LRSAM1: variants seen among roughly 807,000 people sequenced by gnomAD.
LRSAM1 encodes E3 ubiquitin-protein ligase LRSAM1.
LRSAM1 carries 96 observed loss-of-function variants against 118.1 expected under a neutral mutation model. That is an observed-to-expected ratio of 0.81 (90% CI 0.69 to 0.96). The LOEUF is 0.96. Among genes scored for constraint, LRSAM1 ranks in the 40% least tolerant of loss-of-function variants. LRSAM1 has a pLI of 0.00. For synonymous variants in LRSAM1, 322 were observed against 364.2 expected, an observed-to-expected ratio of 0.88 and a Z score of 1.32; for missense variants, 804 against 915.5, an observed-to-expected ratio of 0.88 and a Z score of 1.57.
chr9:127,454,788 C>T (rs528797347), intron 3 of LRSAM1, among the ~76,000 whole-genome samples, 189 bp downstream of exon 3: 5 of 152,286 alleles, frequency 3.3e-5, no homozygotes, highest in Admixed American at 6.5e-5. Flanking sequence ...GTAGACTGAG[C>T]GCACTGTCAT....
rs368056307 is a variant in LRSAM1 at position 127,461,473 on chromosome 9, C to T, written c.406+216C>T. ...TTCCTGTGGCTCCTGAGAGCCAGGG[C>T]CGTATGGCCGTATGGGGAGGAGGGC... On this transcript the variant is annotated intron_variant, in intron 8 of 25. Coordinates refer to ENST00000300417, the MANE Select transcript of LRSAM1 (RefSeq NM_001005373.4). 2.1e-4 allele frequency among the ~76,000 whole-genome samples: 32 copies of T among 152,318 alleles called. No homozygotes were observed. In the East Asian group the frequency reaches 4.1e-3, roughly 19 times the overall value.
At chr9:127,489,592 C>A in intron 19 of LRSAM1, 74 bp downstream of exon 19, 2 of 1,509,542 alleles carry the variant, frequency 1.3e-6, no homozygotes, top group South Asian at 2.4e-5. Flanking sequence ...GGCGGCAGGT[C>A]GCAGCAGTTG....
chr9:127,464,769 A>G (rs1834871092), intron 9 of LRSAM1, among the ~76,000 whole-genome samples: 1 of 151,736 alleles, frequency 6.6e-6, no homozygotes, highest in Non-Finnish European at 1.5e-5. Context: ...CAGCCTCCCA[A>G]GAGACTGGGA....
At chr9:127,460,757 C>T (rs940102941) in intron 7 of LRSAM1, among the ~76,000 whole-genome samples, 1 of 151,464 alleles carries the variant, frequency 6.6e-6, no homozygotes, top group Non-Finnish European at 1.5e-5. Flanking sequence ...TGTGTAGTGC[C>T]TGGGTGCCCT....
intron 11 of LRSAM1, among the ~76,000 whole-genome samples, chr9:127,474,204 A>G (rs1835275770): frequency 6.6e-6 from 1 of 151,416 alleles, no homozygotes; most frequent in Non-Finnish European, 1.5e-5. Context: ...AGGGCCTTTG[A>G]ACAAGCAGCT....
chr9:127,485,713 G>C, intron 16 of LRSAM1, 23 bp from the exon 17 acceptor site: 1 of 1,613,226 alleles, frequency 6.2e-7, no homozygotes, highest in Non-Finnish European at 8.5e-7. Context: ...CCACTCAGCT[G>C]TCCCCACCTC....
At chr9:127,473,987 TG>T in intron 11 of LRSAM1, 56 bp downstream of exon 11, 1 of 1,612,430 alleles carries the variant, frequency 6.2e-7, no homozygotes, top group Non-Finnish European at 8.5e-7. Context: ...TGTGCATGTA[TG>T]TGTGTTGAGG....
chr9:127,495,939 C>A, intron 22 of LRSAM1, 25 bp from the exon 23 acceptor site: 1 of 1,611,436 alleles, frequency 6.2e-7, no homozygotes. Flanking sequence ...CCTTCCTGCT[C>A]ATGGTACACG....
Position 127,496,052 on chromosome 9 carries a change from C to T in LRSAM1, c.1787C>T (p.Ser596Leu). Residue 596 changes from serine to leucine, a missense_variant, in exon 23 of 26, where the codon TCA becomes TTA. Transcript: ENST00000300417. ...CCCATCTTTGCGCACCACCGCCTCT[C>T]ACTGGACCTGCTGAGCCAAATGAGC... ...YLPIFAHHRL[S>L]LDLLSQMSPG... 6.2e-7 allele frequency: 1 copy of T among 1,612,302 alleles called. No homozygotes were observed. Among genetic ancestry groups the T allele is most frequent in the South Asian group, 1.1e-5 (1 of 91,066 alleles).
chr9:127,454,444 G>T, intron 2 of LRSAM1, 52 bp from the exon 3 acceptor site: 1 of 1,409,344 alleles, frequency 7.1e-7, no homozygotes, highest in East Asian at 2.3e-5. Context: ...TGTCCCGGGT[G>T]TTGGGGGCTG....
At chr9:127,455,538 A>G (rs773718248) in intron 4 of LRSAM1, 38 bp from the exon 5 acceptor site, 1 of 1,609,632 alleles carries the variant, frequency 6.2e-7, no homozygotes, top group Non-Finnish European at 8.5e-7. Context: ...AAAAACTGGC[A>G]GGAGGGGAGA....
In LRSAM1 at chr9:127,496,837, C is replaced by T. The variant is rs181865976; in HGVS notation, c.1831-416C>T. Among the ~76,000 whole-genome samples, 553 of 152,364 alleles carry T rather than the reference C, an allele frequency of 3.6e-3. 2 individuals are homozygous for T. The highest frequency in any genetic ancestry group is 5.6e-3 in the Non-Finnish European group (378 of 68,048). ...GTCACAAGGCCATGCCGCTCAGGCT[C>T]TGGAGGCTGAGGGACTGTGGGGCTC... On this transcript the variant is annotated intron_variant, in intron 23 of 25. Transcript: ENST00000300417.
At chr9:127,458,567 G>A (rs2132001632) in intron 6 of LRSAM1, among the ~76,000 whole-genome samples, 1 of 152,220 alleles carries the variant, frequency 6.6e-6, no homozygotes, top group South Asian at 2.1e-4. Flanking sequence ...GTGACAGAGT[G>A]AGACTCTGTC....
chr9:127,474,237 C>T (rs1282540730), intron 11 of LRSAM1, among the ~76,000 whole-genome samples: 1 of 151,842 alleles, frequency 6.6e-6, no homozygotes, highest in Non-Finnish European at 1.5e-5. Flanking sequence ...AATCTCCCCA[C>T]TCACTTGTCT....
intron 11 of LRSAM1, 124 bp from the exon 12 acceptor site, chr9:127,478,810 A>G: frequency 1.1e-6 from 1 of 900,694 alleles, no homozygotes; most frequent in Non-Finnish European, 1.8e-6. Context: ...CACCATTCTG[A>G]GGCAGTGGTC....
intron 17 of LRSAM1, among the ~76,000 whole-genome samples, chr9:127,487,074 CT>C (rs1333617782): frequency 6.6e-6 from 1 of 151,502 alleles, no homozygotes; most frequent in Non-Finnish European, 1.5e-5. Context: ...ATCCCAGCTA[CT>C]TGGGAGACTG....
chr9:127,458,379 A>C (rs1249583003), intron 6 of LRSAM1, among the ~76,000 whole-genome samples: 1 of 146,208 alleles, frequency 6.8e-6, no homozygotes, highest in African/African-American at 2.6e-5. Context: ...ACAGAGCGAG[A>C]CTTCGTCTCA....
chr9:127,454,669 A>G, intron 3 of LRSAM1, 70 bp downstream of exon 3: 1 of 1,476,568 alleles, frequency 6.8e-7, no homozygotes, highest in Non-Finnish European at 9.4e-7. Context: ...AGGCCTCCGC[A>G]CTGCCCCCAA....
intron 24 of LRSAM1, among the ~76,000 whole-genome samples, chr9:127,499,236 G>A (rs1250702595): frequency 2.0e-5 from 3 of 152,018 alleles, no homozygotes. Flanking sequence ...TTAGCTGGGT[G>A]TGGTGGTGCA....
Sources: allele counts gnomAD v4.1 joint callset (sites outside exome capture counted in the v4.1 genomes callset), GRCh38; gene constraint gnomAD v4.1.1; transcripts MANE v1.5; gene names NCBI Gene and HGNC (gene_info 2026-07-23, HGNC 2026-07-21).